CEP128: variants seen among roughly 807,000 people sequenced by gnomAD.
CEP128 encodes centrosomal protein 128kDa.
In CEP128, 132 loss-of-function variants were observed where a neutral mutation model predicts 156.7. The ratio of observed to expected loss-of-function variants is 0.84; its 90% CI spans 0.73 to 0.97. The LOEUF (loss-of-function observed/expected upper bound fraction) is 0.97. Among genes scored for constraint, CEP128 ranks in the 50% least tolerant of loss-of-function variants. The probability of loss-of-function intolerance (pLI) is 0.00; values close to 1 mark genes in which losing one functional copy is unlikely to be tolerated. For synonymous variants in CEP128, 469 were observed against 448.9 expected, an observed-to-expected ratio of 1.04 and a Z score of -0.57; for missense variants, 1,252 against 1,281.9, an observed-to-expected ratio of 0.98 and a Z score of 0.36.
intron 19 of CEP128, among the ~76,000 whole-genome samples, chr14:80,737,402 T>TGAAAAAA (rs1177829967): frequency 3.6e-5 from 5 of 139,510 alleles, no homozygotes; most frequent in South Asian, 2.1e-4. Flanking sequence ...AGACTCTGTC[T>TGAAAAAA]GAAAAAAGAA....
At chr14:80,632,782 G>T (rs1232956278) in intron 19 of CEP128, among the ~76,000 whole-genome samples, 1 of 152,030 alleles carries the variant, frequency 6.6e-6, no homozygotes, top group Non-Finnish European at 1.5e-5. Context: ...GTATGTCTGG[G>T]AGTGGAATTG....
chr14:80,553,083 C>T (rs112403874), intron 21 of CEP128, among the ~76,000 whole-genome samples: 29,169 of 148,776 alleles, frequency 0.2, 2,955 homozygotes, highest in South Asian at 0.3. Context: ...TTCTTTCTTT[C>T]TTTTTTTTAA....
chr14:80,764,355 C>T (rs890802312), intron 16 of CEP128, among the ~76,000 whole-genome samples: 78 of 151,790 alleles, frequency 5.1e-4, no homozygotes, highest in Admixed American at 1.8e-3. Context: ...AAAAATTAGC[C>T]GGGCGCGGTG....
intron 13 of CEP128, 84 bp downstream of exon 13, chr14:80,831,059 C>T (rs1885763894): frequency 8.4e-7 from 1 of 1,189,082 alleles, no homozygotes; most frequent in Non-Finnish European, 1.3e-6. Flanking sequence ...TAAAATAACA[C>T]ATCTTTATAT....
At chr14:80,878,658 T>G (rs1275311085) in intron 8 of CEP128, among the ~76,000 whole-genome samples, 2 of 151,998 alleles carry the variant, frequency 1.3e-5, no homozygotes, top group African/African-American at 4.8e-5. Flanking sequence ...GCCATACAAG[T>G]GTGGTGCCTG....
At chr14:80,863,524 G>T (rs1887619599) in intron 8 of CEP128, among the ~76,000 whole-genome samples, 1 of 152,116 alleles carries the variant, frequency 6.6e-6, no homozygotes, top group African/African-American at 2.4e-5. Context: ...TTTTCTCTCT[G>T]ACACAAAATT....
chr14:80,592,819 A>G (rs1023581199), intron 19 of CEP128, among the ~76,000 whole-genome samples: 2 of 152,214 alleles, frequency 1.3e-5, no homozygotes, highest in Non-Finnish European at 2.9e-5. Context: ...AGTCGGCTTC[A>G]ACCCTGGGAT....
chr14:80,611,650 T>C (rs1566810222), intron 19 of CEP128, among the ~76,000 whole-genome samples: 1 of 152,198 alleles, frequency 6.6e-6, no homozygotes, highest in Non-Finnish European at 1.5e-5. Flanking sequence ...GAGATCTTCT[T>C]AAATTTAAAT....
rs190322631 is a variant in CEP128, at chr14:80,588,656, C to T, written c.2807-8233G>A. Among the ~76,000 whole-genome samples the T allele has an allele frequency of 2.4e-3, 358 of 152,132 alleles. 1 individual carries two copies. Among genetic ancestry groups the T allele is most frequent in the African/African-American group, 8.1e-3 (336 of 41,524 alleles). ...TCAGACATATGGTGTTTAATTGTTG[C>T]CCCATCCCCTCCCCACTTTGAGGCC... On this transcript the variant is annotated intron_variant, in intron 19 of 24. Transcript: ENST00000555265.
chr14:80,849,409 G>A (rs934944587), intron 9 of CEP128, among the ~76,000 whole-genome samples: 1 of 152,088 alleles, frequency 6.6e-6, no homozygotes, highest in Non-Finnish European at 1.5e-5. Flanking sequence ...GCCCATCCAA[G>A]ACTAACACTG....
At chr14:80,933,466 A>T (rs902392463) in intron 2 of CEP128, among the ~76,000 whole-genome samples, 2 of 152,168 alleles carry the variant, frequency 1.3e-5, no homozygotes. Context: ...TAATTATATC[A>T]GGAGTCAGCA....
At position 80,662,424 on chromosome 14, in the gene CEP128, T is replaced by C. The variant is rs188378729; in HGVS notation, c.2806+80651A>G. On this transcript the variant is annotated intron_variant, in intron 19 of 24. Coordinates refer to ENST00000555265, the MANE Select transcript of CEP128 (RefSeq NM_152446.5). The stretch of plus-strand genomic sequence containing the variant: ...ATTGGCTAACTACAATTTTTTAAAA[T>C]CAACTATGTTTGAAGAATTATTACT... Among the ~76,000 whole-genome samples, 12 of 152,304 alleles carry C rather than the reference T, an allele frequency of 7.9e-5. No individual in the cohort carries two copies. In the East Asian group the frequency reaches 1.7e-3, roughly 22 times the overall value.
intron 8 of CEP128, among the ~76,000 whole-genome samples, chr14:80,884,492 T>C (rs1888701907): frequency 6.6e-6 from 1 of 152,066 alleles, no homozygotes; most frequent in African/African-American, 2.4e-5. Context: ...AGACAGTGGG[T>C]GCAGCCCACA....
intron 19 of CEP128, among the ~76,000 whole-genome samples, chr14:80,626,736 C>T (rs1191518275): frequency 6.6e-6 from 1 of 152,120 alleles, no homozygotes; most frequent in Non-Finnish European, 1.5e-5. Flanking sequence ...GAAAATAAAC[C>T]TAGACCAAGA....
chr14:80,592,038 C>T (rs990217330), intron 19 of CEP128, among the ~76,000 whole-genome samples: 14 of 152,012 alleles, frequency 9.2e-5, no homozygotes, highest in Admixed American at 9.2e-4. Context: ...CACTAAATGC[C>T]CACAAGAGAA....
chr14:80,508,153 T>G (rs561787576), intron 23 of CEP128, among the ~76,000 whole-genome samples: 50 of 152,220 alleles, frequency 3.3e-4, no homozygotes, highest in African/African-American at 1.2e-3. Context: ...TGACCTCAGG[T>G]GATCCACCTG....
chr14:80,580,469 G>A (rs755136121), intron 19 of CEP128, 46 bp from the exon 20 acceptor site: 13 of 1,189,594 alleles, frequency 1.1e-5, no homozygotes, highest in Admixed American at 3.5e-5. Flanking sequence ...ATGTAAAAAC[G>A]AGTTGCCTCT....
In CEP128 at chr14:80,914,277, C is replaced by G. The variant is rs1000376342; in HGVS notation, c.234+45G>C. On this transcript the variant is annotated intron_variant, in intron 4 of 24. Coordinates refer to ENST00000555265, the MANE Select transcript of CEP128 (RefSeq NM_152446.5). ...CCCATTCCCCAAAACACTTCATTCCCAAAAAGGTGGGTAGGAGAAAATGCA... is the reference window on the plus strand; with the variant it reads ...CCCATTCCCCAAAACACTTCATTCCGAAAAAGGTGGGTAGGAGAAAATGCA... 2.1e-6 allele frequency: 3 copies of G among 1,456,328 alleles called. No individual in the cohort carries two copies. In the African/African-American group the frequency reaches 4.2e-5, roughly 20 times the overall value. The allele number at this position is 1,456,328 out of a possible 1,614,324, so 90.2% of individuals were successfully genotyped here. A position where few individuals can be genotyped will look rare whatever the true frequency, so the allele number is the denominator to read the frequency against.
At chr14:80,830,690 C>T (rs765341997) in intron 13 of CEP128, 1 of 176,500 alleles carries the variant, frequency 5.7e-6, no homozygotes, top group Non-Finnish European at 1.2e-5. Context: ...TGCAATTCCA[C>T]CTCATGCAGA....
Sources: allele counts gnomAD v4.1 joint callset (sites outside exome capture counted in the v4.1 genomes callset), GRCh38; gene constraint gnomAD v4.1.1; transcripts MANE v1.5; gene names NCBI Gene and HGNC (gene_info 2026-07-23, HGNC 2026-07-21).